The following EIF2B5 variants were observed in gnomAD, a reference collection of about 807,000 sequenced individuals.
EIF2B5 encodes translation initiation factor eIF2B subunit epsilon.
A neutral mutation model predicts 87.3 loss-of-function variants in EIF2B5; 38 were observed. The ratio of observed to expected loss-of-function variants is 0.44; its 90% CI spans 0.34 to 0.57. EIF2B5 has a LOEUF of 0.57. Ranked by LOEUF, EIF2B5 falls within the 20% of genes least tolerant of loss-of-function variation. The pLI is 0.02. For missense variants in EIF2B5, 784 were observed against 909.5 expected (o/e 0.86, Z 1.78); for synonymous variants, 313 against 339.6 (o/e 0.92, Z 0.86).
At chr3:184,137,569 A>C (rs1238676631) in intron 2 of EIF2B5, 51 bp from the exon 3 acceptor site, 2 of 1,591,832 alleles carry the variant, frequency 1.3e-6, no homozygotes, top group Non-Finnish European at 1.7e-6. Flanking sequence ...GGAAGGCTCA[A>C]ATGATCTTTA....
At chr3:184,144,362 G>A (rs552532603) in intron 14 of EIF2B5, 138 bp downstream of exon 14, 63 of 1,433,874 alleles carry the variant, frequency 4.4e-5, no homozygotes, top group Non-Finnish European at 6.0e-5. Context: ...TGCTAGAATA[G>A]TACAGCTTGG....
chr3:184,140,928 T>C (rs928580179), intron 7 of EIF2B5, 198 bp downstream of exon 7: 2 of 635,820 alleles, frequency 3.1e-6, no homozygotes, highest in Non-Finnish European at 5.5e-6. Flanking sequence ...GGCCTCTCAT[T>C]GGATGACTCT....
Position 184,144,174 on chromosome 3 carries a change from A to G in EIF2B5, c.1945A>G (p.Ile649Val), listed in dbSNP as rs138598221. 20 of 1,614,146 alleles carry G rather than the reference A, an allele frequency of 1.2e-5. No homozygotes were observed. The highest frequency in any genetic ancestry group is 6.6e-5 in the South Asian group (6 of 91,096). ...AADHLEALAA[I>V]EDFFLEHEAL... ...CGACCATTTGGAAGCGTTAGCAGCC[A>G]TTGAGGACTTCTTCCTAGAGCATGA... The change falls in exon 14 of 16, where the codon ATT (isoleucine) becomes GTT (valine). Residue 649 changes from isoleucine to valine, a missense_variant. Around this residue, in one of 3 missense-constraint regions of EIF2B5, gnomAD observed 660 missense variants for 789.5 expected, o/e 0.84. Coordinates refer to ENST00000648915, the MANE Select transcript of EIF2B5 (RefSeq NM_003907.3).
intron 2 of EIF2B5, chr3:184,136,958 T>C (rs1304809038): frequency 6.6e-6 from 4 of 610,364 alleles, no homozygotes; most frequent in Non-Finnish European, 1.1e-5. Flanking sequence ...TAAACTTGGG[T>C]TTTTTCTGAA....
At chr3:184,141,554 T>G (rs1354512858) in intron 7 of EIF2B5, among the ~76,000 whole-genome samples, 1 of 152,098 alleles carries the variant, frequency 6.6e-6, no homozygotes, top group Admixed American at 6.6e-5. Flanking sequence ...GGTGATGGAA[T>G]GAGACCGTGT....
In EIF2B5 at chr3:184,136,656, G is replaced by T; in HGVS notation, c.240G>T (p.Leu80=). The T allele has an allele frequency of 6.2e-7, 1 of 1,614,168 alleles. No homozygotes were observed. The highest frequency in any genetic ancestry group is 8.5e-7 in the Non-Finnish European group (1 of 1,180,028). ...LANVALIDYT[L]EFLTATGVQE... ...ATGTGGCATTAATTGACTACACTCTGGAATTCCTGACTGCCACAGGTGTAC... is the reference window on the plus strand; with the variant it reads ...ATGTGGCATTAATTGACTACACTCTTGAATTCCTGACTGCCACAGGTGTAC... Residue 80 remains leucine, a synonymous_variant, in exon 2 of 16, where the codon CTG becomes CTT. Transcript: ENST00000648915.
At position 184,137,346 on chromosome 3, in the gene EIF2B5, A is replaced by G. The variant is rs1044993235; in HGVS notation, c.321-274A>G. 1.7e-5 allele frequency: 9 copies of G among 522,270 alleles called. No individual in the cohort carries two copies. The African/African-American group carries it at 1.7e-4, about 10-fold the overall frequency. The allele number at this position is 522,270 out of a possible 1,614,324, so 32.4% of individuals were successfully genotyped here. A position where few individuals can be genotyped will look rare whatever the true frequency, so the allele number is the denominator to read the frequency against. The stretch of plus-strand genomic sequence containing the variant: ...TACTTTGTGTACCCTAGGCTTCAGC[A>G]GGATTTTGAGTTCAAATTGATGTTT... On this transcript the variant is annotated intron_variant, in intron 2 of 15. Transcript: ENST00000648915.
Position 184,143,102 on chromosome 3 carries a change from A to T in EIF2B5, c.1705A>T (p.Ile569Phe). 6.2e-7 allele frequency: 1 copy of T among 1,613,936 alleles called. No homozygotes were observed. The highest frequency in any genetic ancestry group is 8.5e-7 in the Non-Finnish European group (1 of 1,179,938). Residue 569 changes from isoleucine (I) to phenylalanine (F), a missense_variant, in exon 12 of 16, where the codon ATT becomes TTT. Coordinates refer to ENST00000648915, the MANE Select transcript of EIF2B5 (RefSeq NM_003907.3). Reference protein sequence around the residue: ...GTLQRGKEENISCDNLVLEIN... With the variant: ...GTLQRGKEENFSCDNLVLEIN... ...ACTACAGCGGGGCAAAGAGGAGAAC[A>T]TTTCTTGTGACAATCTCGTCCTGGA...
At chr3:184,137,129 A>G (rs1046271944) in intron 2 of EIF2B5, 1 of 344,766 alleles carries the variant, frequency 2.9e-6, no homozygotes, top group African/African-American at 2.1e-5. Context: ...TTGTATTCCC[A>G]CTGCCTAGCT....
Position 184,144,110 on chromosome 3 carries a change from C to G in EIF2B5, c.1881C>G (p.Ala627=). 1 of 1,614,220 alleles carries G rather than the reference C, an allele frequency of 6.2e-7. No homozygotes were observed. Among genetic ancestry groups the G allele is most frequent in the East Asian group, 2.2e-5 (1 of 44,888 alleles). The part of the protein sequence containing the change: ...YCALLLPLLK[A]WSPVFRNYIK... ...TCTTTCTTCCATAGCTGCTAAAGGCCTGGAGCCCTGTTTTTAGGAACTACA... is the reference window on the plus strand; with the variant it reads ...TCTTTCTTCCATAGCTGCTAAAGGCGTGGAGCCCTGTTTTTAGGAACTACA... Residue 627 remains alanine, a synonymous_variant, in exon 14 of 16, where the codon GCC becomes GCG. Coordinates refer to ENST00000648915, the MANE Select transcript of EIF2B5 (RefSeq NM_003907.3).
Position 184,140,144 on chromosome 3 carries a change from T to C in EIF2B5, c.830T>C (p.Leu277Ser), listed in dbSNP as rs1193954478. The change falls in exon 6 of 16, where the codon TTA (leucine) becomes TCA (serine). Residue 277 changes from leucine to serine, a missense_variant. Around this residue, in one of 3 missense-constraint regions of EIF2B5, gnomAD observed 660 missense variants for 789.5 expected, o/e 0.84. Transcript: ENST00000648915. ...QTRDDFVRGL[L>S]VNEEILGNQI... is the part of the protein sequence containing the mutation. ...CGAGATGACTTTGTGCGAGGTCTCTTAGTGAATGAGGAGGTGAGAAAAGTC... is the reference window on the plus strand; with the variant it reads ...CGAGATGACTTTGTGCGAGGTCTCTCAGTGAATGAGGAGGTGAGAAAAGTC... 6.2e-7 allele frequency: 1 copy of C among 1,613,828 alleles called. No homozygotes were observed. The highest frequency in any genetic ancestry group is 8.5e-7 in the Non-Finnish European group (1 of 1,179,866).
In EIF2B5 at chr3:184,142,205, C is replaced by T. The variant is rs759010956; in HGVS notation, c.1303-32C>T. On this transcript the variant is annotated intron_variant, in intron 8 of 15. Coordinates refer to ENST00000648915, the MANE Select transcript of EIF2B5 (RefSeq NM_003907.3). The surrounding 1 kb of genome is among the most constrained non-coding windows in gnomAD (Gnocchi z 5.0). The stretch of plus-strand genomic sequence containing the variant: ...TATCAGGATGCACTTTTCCTCCACA[C>T]CCTAATGGTTCTGTGTTTTTTTTCC... The T allele has an allele frequency of 7.4e-6, 12 of 1,613,974 alleles. No individual in the cohort carries two copies. Among genetic ancestry groups the T allele is most frequent in the African/African-American group, 6.7e-5 (5 of 74,902 alleles).
At chr3:184,140,886 G>C in intron 7 of EIF2B5, 156 bp downstream of exon 7, 1 of 814,640 alleles carries the variant, frequency 1.2e-6, no homozygotes, top group Non-Finnish European at 2.0e-6. Flanking sequence ...ACAGGGATTT[G>C]AAAACAGCGA....
Position 184,143,181 on chromosome 3 carries a change from C to T in EIF2B5, c.1745+39C>T, listed in dbSNP as rs1447726199. On this transcript the variant is annotated intron_variant, in intron 12 of 15. Coordinates refer to ENST00000648915, the MANE Select transcript of EIF2B5 (RefSeq NM_003907.3). ...CTCCCTGTTCTCCTCGGGGTGATCC[C>T]GGGAAGGTAGAGGCTTTCTCGTAAG... is the stretch of plus-strand genomic sequence containing the variant. The T allele has an allele frequency of 9.4e-6, 15 of 1,600,094 alleles. 1 individual carries two copies. The highest frequency in any genetic ancestry group is 5.3e-5 in the African/African-American group (4 of 74,896).
chr3:184,142,179 T>C lies in EIF2B5; in HGVS notation c.1303-58T>C. ...ATCCTGTCTAAAAAAGTTGCTCTCA[T>C]TATCAGGATGCACTTTTCCTCCACA... On this transcript the variant is annotated intron_variant, in intron 8 of 15. Coordinates refer to ENST00000648915, the MANE Select transcript of EIF2B5 (RefSeq NM_003907.3). The surrounding 1 kb of genome is among the most constrained non-coding windows in gnomAD (Gnocchi z 5.0). 1.2e-6 allele frequency: 2 copies of C among 1,614,078 alleles called. No homozygotes were observed. The highest frequency in any genetic ancestry group is 2.2e-5 in the South Asian group (2 of 91,064).
At chr3:184,140,760 A>G in intron 7 of EIF2B5, 30 bp downstream of exon 7, 8 of 1,612,848 alleles carry the variant, frequency 5.0e-6, no homozygotes, top group Non-Finnish European at 6.8e-6. Context: ...CAAGCCAACT[A>G]TCCTAGGAAC....
At position 184,144,677 on chromosome 3, in the gene EIF2B5, CAA is replaced by C; in HGVS notation, c.2077_2078del (p.Lys693GlyfsTer26). The C allele has an allele frequency of 6.2e-7, 1 of 1,614,092 alleles. No individual in the cohort carries two copies. Among genetic ancestry groups the C allele is most frequent in the Non-Finnish European group, 8.5e-7 (1 of 1,179,990 alleles). On this transcript the variant is annotated frameshift_variant, in exon 15 of 16. Coordinates refer to ENST00000648915, the MANE Select transcript of EIF2B5 (RefSeq NM_003907.3). LOFTEE classifies it high-confidence loss of function. The stretch of plus-strand genomic sequence containing the variant: ...GGTTCAGCCAAAGAGATACAACTGA[CAA>C]GGGCCAGCAGTTGCGCAAGAATCAA... Reference protein sequence around the residue: ...SWFSQRDTTDKGQQLRKNQQL... With the variant: ...SWFSQRDTTDXGQQLRKNQQL...
In EIF2B5 at chr3:184,144,615, C is replaced by T; in HGVS notation, c.2014C>T (p.Gln672Ter). 1 of 1,614,096 alleles carries T rather than the reference C, an allele frequency of 6.2e-7. No individual in the cohort carries two copies. Among genetic ancestry groups the T allele is most frequent in the Non-Finnish European group, 8.5e-7 (1 of 1,180,032 alleles). The change falls in exon 15 of 16, where the codon CAG (glutamine) becomes TAG (stop). Residue 672 changes from glutamine (Q) to a stop codon, truncating the protein, a stop_gained. Coordinates refer to ENST00000648915, the MANE Select transcript of EIF2B5 (RefSeq NM_003907.3). LOFTEE classifies it high-confidence loss of function. ...TTTGCAGGTACTGATGGCTTTCTAC[C>T]AGCTGGAGATCCTGGCTGAGGAAAC... ...SMAKVLMAFY[Q>*]LEILAEETIL... is the part of the protein sequence containing the mutation.
chr3:184,135,820 A>C, intron 1 of EIF2B5: 2 of 593,584 alleles, frequency 3.4e-6, no homozygotes, highest in Non-Finnish European at 5.9e-6. Flanking sequence ...AGAGAGCTAA[A>C]TGTAGAAACA....
Sources: gnomAD v4.1 joint callset for allele counts (sites outside exome capture counted in the v4.1 genomes callset) on GRCh38, gnomAD v4.1.1 for gene constraint, gnomAD v4.1.1 regional missense constraint, Gnocchi (gnomAD v3.1) non-coding constraint, MANE v1.5 for transcripts, NCBI Gene and HGNC (gene_info 2026-07-23, HGNC 2026-07-21) for gene names.